The following SNRNP27 variants were observed in gnomAD, a reference collection of about 807,000 sequenced individuals.
SNRNP27 encodes small nuclear ribonucleoprotein U4/U6.U5 subunit 27.
A neutral mutation model predicts 25.1 loss-of-function variants in SNRNP27; 22 were observed. That is an observed-to-expected ratio of 0.88 (90% CI 0.63 to 1.25). SNRNP27 has a LOEUF of 1.25. Ranked by LOEUF, SNRNP27 falls within the 50% of genes most tolerant of loss-of-function variation. The probability of loss-of-function intolerance (pLI) is 0.00; values close to 1 mark genes in which losing one functional copy is unlikely to be tolerated. For synonymous variants in SNRNP27, 66 were observed against 64.9 expected (o/e 1.02, Z -0.08); for missense variants, 150 against 202.3 (o/e 0.74, Z 1.57).
At chr2:69,895,271 T>C (rs889951921) in intron 2 of SNRNP27, 57 bp downstream of exon 2, 5 of 1,591,386 alleles carry the variant, frequency 3.1e-6, no homozygotes, top group Admixed American at 3.7e-5. Flanking sequence ...AAGAAACTGG[T>C]CGCAGCTCTT....
chr2:69,901,182 A>G (rs1558562204), intron 4 of SNRNP27, among the ~76,000 whole-genome samples: 1 of 149,904 alleles, frequency 6.7e-6, no homozygotes, highest in African/African-American at 2.5e-5. Flanking sequence ...CAAAAAAAAA[A>G]AAGAAAGAAA....
chr2:69,903,024 T>C (rs942418597), intron 4 of SNRNP27, among the ~76,000 whole-genome samples, 157 bp from the exon 5 acceptor site: 2 of 145,400 alleles, frequency 1.4e-5, no homozygotes, highest in Admixed American at 7.1e-5. Flanking sequence ...CTACTTGCAG[T>C]CCCAAACTCC....
intron 4 of SNRNP27, among the ~76,000 whole-genome samples, chr2:69,899,532 C>T (rs1195755991): frequency 2.6e-5 from 4 of 152,124 alleles, no homozygotes; most frequent in South Asian, 2.1e-4. Context: ...TGGGTTCAAC[C>T]GATTCTCCTG....
intron 4 of SNRNP27, 76 bp from the exon 5 acceptor site, chr2:69,903,105 C>T: frequency 8.4e-7 from 1 of 1,190,328 alleles, no homozygotes; most frequent in Non-Finnish European, 1.3e-6. Flanking sequence ...GCCACTGCCA[C>T]CACACCTGCT....
At chr2:69,895,939 C>T (rs1414646660) in intron 2 of SNRNP27, among the ~76,000 whole-genome samples, 1 of 150,590 alleles carries the variant, frequency 6.6e-6, no homozygotes, top group Non-Finnish European at 1.5e-5. Flanking sequence ...CTTGGAAGAA[C>T]ATTAGAAATG....
chr2:69,895,890 A>G (rs1462767889), intron 2 of SNRNP27, among the ~76,000 whole-genome samples: 2 of 151,930 alleles, frequency 1.3e-5, no homozygotes, highest in Non-Finnish European at 2.9e-5. Flanking sequence ...CTTTTTGGTG[A>G]TAATGATTTA....
rs761833954 is a variant in SNRNP27, at chr2:69,902,938, C to CTTTTTT, written c.349-226_349-221dup. Among the ~76,000 whole-genome samples, 116 of 92,388 alleles carry CTTTTTT rather than the reference C, an allele frequency of 1.3e-3. 4 individuals carry two copies. The highest frequency in any genetic ancestry group is 1.5e-3 in the Non-Finnish European group (78 of 51,554). The allele number at this position is 92,388 out of a possible 152,430, so 60.6% of individuals were successfully genotyped here. A position where few individuals can be genotyped will look rare whatever the true frequency, so the allele number is the denominator to read the frequency against. On this transcript the variant is annotated intron_variant, in intron 4 of 5. Coordinates refer to ENST00000244227, the MANE Select transcript of SNRNP27 (RefSeq NM_006857.3). ...TCCTTTCTCCTCCTTTCTTCTTCTT[C>CTTTTTT]TTTTTTTTTTTTTTTTTTTTTTGAG...
In SNRNP27 at chr2:69,903,106, C is replaced by T. The variant is rs896491853; in HGVS notation, c.349-75C>T. On this transcript the variant is annotated intron_variant, in intron 4 of 5. Transcript: ENST00000244227. ...GAGTACAGGTACATGCCACTGCCAC[C>T]ACACCTGCTTTCATGTATCCTGATT... The T allele has an allele frequency of 2.6e-5, 31 of 1,200,038 alleles. No individual in the cohort carries two copies. In the African/African-American group the frequency reaches 2.8e-4, roughly 11 times the overall value. 74.3% of individuals were successfully genotyped at this position (1,200,038 alleles called of 1,614,324 possible).
At chr2:69,902,584 GCTTCTGCTGCTTGTGTTTCTGCTT>G (rs1365908094) in intron 4 of SNRNP27, among the ~76,000 whole-genome samples, 2 of 150,700 alleles carry the variant, frequency 1.3e-5, no homozygotes, top group African/African-American at 4.9e-5. Context: ...TGCTTCTTCT[GCTTCTGCTGCTTGTGTTTCTGCTT>G]CTTCTGCTGC....
chr2:69,904,054 A>T (rs1676753335), intron 5 of SNRNP27, among the ~76,000 whole-genome samples, 200 bp from the exon 6 acceptor site: 1 of 152,118 alleles, frequency 6.6e-6, no homozygotes, highest in Admixed American at 6.5e-5. Flanking sequence ...ATCTGGAGTT[A>T]AAAGAAATCT....
intron 4 of SNRNP27, among the ~76,000 whole-genome samples, chr2:69,902,940 T>A (rs1189266551): frequency 1.5e-4 from 13 of 88,650 alleles, no homozygotes; most frequent in Admixed American, 5.8e-4. Flanking sequence ...TTCTTCTTCT[T>A]TTTTTTTTTT....
At chr2:69,896,365 G>A (rs1573388182) in intron 2 of SNRNP27, 71 bp from the exon 3 acceptor site, 4 of 1,387,814 alleles carry the variant, frequency 2.9e-6, no homozygotes, top group East Asian at 4.6e-5. Context: ...CTCACCTCAT[G>A]TATATCTGTG....
At chr2:69,896,039 T>A (rs1676594455) in intron 2 of SNRNP27, among the ~76,000 whole-genome samples, 1 of 151,232 alleles carries the variant, frequency 6.6e-6, no homozygotes, top group Non-Finnish European at 1.5e-5. Context: ...ATTCCTAGGC[T>A]CAAGCAATCC....
At chr2:69,899,925 C>T (rs911816663) in intron 4 of SNRNP27, among the ~76,000 whole-genome samples, 1 of 151,960 alleles carries the variant, frequency 6.6e-6, no homozygotes, top group Non-Finnish European at 1.5e-5. Flanking sequence ...TAGGGTCTTG[C>T]TGTGCTGCCT....
intron 1 of SNRNP27, among the ~76,000 whole-genome samples, 172 bp downstream of exon 1, chr2:69,894,190 G>A (rs1387962805): frequency 6.6e-6 from 1 of 152,150 alleles, no homozygotes; most frequent in South Asian, 2.1e-4. Context: ...TCTTCAGCCC[G>A]CCCTCTCCGG....
intron 4 of SNRNP27, among the ~76,000 whole-genome samples, chr2:69,900,526 C>G (rs1053380685): frequency 6.6e-6 from 1 of 152,190 alleles, no homozygotes; most frequent in Non-Finnish European, 1.5e-5. Flanking sequence ...AAAAGTAAGA[C>G]CAAATACATT....
chr2:69,900,308 AT>A (rs1185655654), intron 4 of SNRNP27, among the ~76,000 whole-genome samples: 1 of 152,198 alleles, frequency 6.6e-6, no homozygotes, highest in Non-Finnish European at 1.5e-5. Context: ...ATAATATGCA[AT>A]TCTGCAAATA....
chr2:69,904,651 A>G lies in SNRNP27; in HGVS notation c.*343A>G, dbSNP rs957087983. ...ATTTGGAAGTAAGTTTATCCAATAA[A>G]GCAGTATTTCTACCCTTTTAGATTT... On this transcript the variant is annotated 3_prime_UTR_variant, in exon 6 of 6. Transcript: ENST00000244227. The G allele has an allele frequency of 2.3e-6, 1 of 427,384 alleles. No homozygotes were observed. Among genetic ancestry groups the G allele is most frequent in the East Asian group, 4.0e-5 (1 of 24,852 alleles). 26.5% of individuals were successfully genotyped at this position (427,384 alleles called of 1,614,324 possible).
At chr2:69,898,795 GAA>G (rs1462065672) in intron 4 of SNRNP27, among the ~76,000 whole-genome samples, 3 of 152,172 alleles carry the variant, frequency 2.0e-5, no homozygotes, top group Non-Finnish European at 4.4e-5. Context: ...GGAATTTAAT[GAA>G]GTTTATTTAT....
Sources: gnomAD v4.1 joint callset for allele counts (sites outside exome capture counted in the v4.1 genomes callset) on GRCh38, gnomAD v4.1.1 for gene constraint, MANE v1.5 for transcripts, NCBI Gene and HGNC (gene_info 2026-07-23, HGNC 2026-07-21) for gene names.